The following ADAM22 variants were observed in gnomAD, a reference collection of about 807,000 sequenced individuals.
The protein encoded by ADAM22 is disintegrin and metalloproteinase domain-containing protein 22.
ADAM22 carries 65 observed loss-of-function variants against 144.6 expected under a neutral mutation model. That is an observed-to-expected ratio of 0.45 (90% CI 0.37 to 0.55). The LOEUF (loss-of-function observed/expected upper bound fraction) is 0.55, where lower values mean the gene tolerates loss of function less well. ADAM22 is among the 20% of genes least tolerant of loss of function. The pLI is 0.00. For missense variants in ADAM22, 974 were observed against 1,184.9 expected, an observed-to-expected ratio of 0.82 and a Z score of 2.61; for synonymous variants, 391 against 412.6, an observed-to-expected ratio of 0.95 and a Z score of 0.63.
At chr7:88,174,558 A>G (rs907903226) in intron 26 of ADAM22, among the ~76,000 whole-genome samples, 4 of 152,160 alleles carry the variant, frequency 2.6e-5, no homozygotes, top group Non-Finnish European at 4.4e-5. Flanking sequence ...TAGAAGCTAT[A>G]TGACTTGTAA....
chr7:88,017,330 C>A (rs186900677), intron 3 of ADAM22, among the ~76,000 whole-genome samples: 34 of 152,198 alleles, frequency 2.2e-4, no homozygotes, highest in Non-Finnish European at 8.8e-5. Context: ...ATGTTAATTA[C>A]CTGATTTGAT....
At position 88,186,336 on chromosome 7, in the gene ADAM22, T is replaced by G. The variant is rs537291537; in HGVS notation, c.2664-279T>G. 1,619 of 401,584 alleles carry G rather than the reference T, an allele frequency of 4.0e-3. 10 individuals carry two copies. The highest frequency in any genetic ancestry group is 5.0e-3 in the Non-Finnish European group (1,113 of 223,298). The allele number at this position is 401,584 out of a possible 1,614,324, so 24.9% of individuals were successfully genotyped here. A position where few individuals can be genotyped will look rare whatever the true frequency, so the allele number is the denominator to read the frequency against. ...ATGGGACTGCTGACTGTACTGTGAT[T>G]GAAAGGGAGCTTCTAATTCACTTTG... On this transcript the variant is annotated intron_variant, in intron 29 of 31. Transcript: ENST00000413139.
intron 3 of ADAM22, among the ~76,000 whole-genome samples, chr7:88,057,011 T>C (rs1808425115): frequency 6.6e-6 from 1 of 152,222 alleles, no homozygotes; most frequent in Non-Finnish European, 1.5e-5. Context: ...TTTAAAGTTA[T>C]TACCCTAGGA....
chr7:88,006,615 G>A (rs913380792), intron 3 of ADAM22, among the ~76,000 whole-genome samples: 15 of 145,586 alleles, frequency 1.0e-4, no homozygotes, highest in African/African-American at 2.3e-4. Context: ...ATCAATAAAT[G>A]TAATCCAGCA....
chr7:88,099,238 A>G (rs1822263575), intron 4 of ADAM22, among the ~76,000 whole-genome samples: 1 of 152,220 alleles, frequency 6.6e-6, no homozygotes, highest in Non-Finnish European at 1.5e-5. Flanking sequence ...AATAGGCATT[A>G]GCTTGCTGCA....
chr7:88,087,155 A>G (rs1323621028), intron 4 of ADAM22, among the ~76,000 whole-genome samples: 1 of 152,190 alleles, frequency 6.6e-6, no homozygotes, highest in East Asian at 1.9e-4. Flanking sequence ...TATATACTAT[A>G]CAATGTACAC....
intron 3 of ADAM22, among the ~76,000 whole-genome samples, chr7:88,017,910 T>A (rs1461001675): frequency 6.6e-6 from 1 of 152,144 alleles, no homozygotes; most frequent in African/African-American, 2.4e-5. Flanking sequence ...GTTTTACATT[T>A]TTTTTCTCCA....
intron 3 of ADAM22, among the ~76,000 whole-genome samples, chr7:88,031,523 A>T (rs1800263217): frequency 6.6e-6 from 1 of 152,206 alleles, no homozygotes; most frequent in Non-Finnish European, 1.5e-5. Context: ...TGCTCTAGGG[A>T]TCAGTTGAAC....
At chr7:88,038,417 A>T (rs1336182302) in intron 3 of ADAM22, among the ~76,000 whole-genome samples, 1 of 152,020 alleles carries the variant, frequency 6.6e-6, no homozygotes, top group Non-Finnish European at 1.5e-5. Flanking sequence ...CTAAAAAAAA[A>T]GTCACATAAA....
chr7:87,959,065 A>G (rs926265083), intron 2 of ADAM22, among the ~76,000 whole-genome samples: 8 of 152,060 alleles, frequency 5.3e-5, no homozygotes, highest in African/African-American at 1.9e-4. Context: ...CTATAGTTTT[A>G]GAATATCTTA....
chr7:87,967,800 T>C (rs1266628539), intron 2 of ADAM22, among the ~76,000 whole-genome samples: 2 of 107,974 alleles, frequency 1.9e-5, no homozygotes, highest in Non-Finnish European at 1.7e-5. Context: ...AGAGTGAGAC[T>C]CTGTCTCAAA....
At chr7:88,072,439 C>G (rs1293530079) in intron 3 of ADAM22, among the ~76,000 whole-genome samples, 2 of 151,944 alleles carry the variant, frequency 1.3e-5, no homozygotes, top group South Asian at 2.1e-4. Flanking sequence ...GCTAGTATTC[C>G]TCTGAGGAGT....
At chr7:88,123,843 C>T (rs929366247) in intron 7 of ADAM22, among the ~76,000 whole-genome samples, 1 of 151,792 alleles carries the variant, frequency 6.6e-6, no homozygotes, top group Non-Finnish European at 1.5e-5. Flanking sequence ...TCTAAATTAC[C>T]ATGTGATTTC....
chr7:88,061,412 A>G (rs1056120247), intron 3 of ADAM22, among the ~76,000 whole-genome samples: 4 of 152,186 alleles, frequency 2.6e-5, no homozygotes, highest in Admixed American at 6.5e-5. Context: ...TATGGCAGCA[A>G]TAGCCTTACA....
rs566882041 is a variant in ADAM22, at chr7:88,174,602, A to G, written c.2300+3041A>G. Among the ~76,000 whole-genome samples the G allele has an allele frequency of 5.9e-5, 9 of 152,266 alleles. No individual in the cohort carries two copies. The South Asian group carries it at 1.9e-3, about 32-fold the overall frequency. On this transcript the variant is annotated intron_variant, in intron 26 of 31. Transcript: ENST00000413139. The stretch of plus-strand genomic sequence containing the variant: ...ATAAGTGGATTTTAGTTTTTAGGGT[A>G]AGTTTGCAAATAGCAATAGAATAAG...
intron 2 of ADAM22, among the ~76,000 whole-genome samples, chr7:87,940,350 C>G (rs1272948873): frequency 6.6e-6 from 1 of 152,002 alleles, no homozygotes; most frequent in Admixed American, 6.6e-5. Context: ...GTATGGAAAT[C>G]AGCAATGTAT....
chr7:87,935,315 A>G, intron 2 of ADAM22, 129 bp downstream of exon 2: 1 of 1,053,132 alleles, frequency 9.5e-7, no homozygotes, highest in Non-Finnish European at 1.3e-6. Context: ...GATGCGAGTC[A>G]TGCATGGCGC....
chr7:88,160,665 C>T (rs1315419649), intron 22 of ADAM22, among the ~76,000 whole-genome samples: 6 of 152,074 alleles, frequency 3.9e-5, no homozygotes, highest in African/African-American at 1.2e-4. Context: ...CACATGCCCA[C>T]GTATGTTTAT....
intron 2 of ADAM22, among the ~76,000 whole-genome samples, chr7:87,950,503 G>T (rs1844789737): frequency 6.7e-6 from 1 of 148,714 alleles, no homozygotes; most frequent in Non-Finnish European, 1.5e-5. Flanking sequence ...ATTCCAGGGT[G>T]TATATGTGCC....
Sources: gnomAD v4.1 joint callset for allele counts (sites outside exome capture counted in the v4.1 genomes callset) on GRCh38, gnomAD v4.1.1 for gene constraint, MANE v1.5 for transcripts, NCBI Gene and HGNC (gene_info 2026-07-23, HGNC 2026-07-21) for gene names.